ROBO1: variants seen among roughly 807,000 people sequenced by gnomAD.
The protein encoded by ROBO1 is roundabout homolog 1.
A neutral mutation model predicts 195.9 loss-of-function variants in ROBO1; 149 were observed. The ratio of observed to expected loss-of-function variants is 0.76; its 90% CI spans 0.67 to 0.87. ROBO1 has a LOEUF of 0.87. Ranked by LOEUF, ROBO1 falls within the 40% of genes least tolerant of loss-of-function variation. The probability of loss-of-function intolerance (pLI) is 0.00; values close to 1 mark genes in which losing one functional copy is unlikely to be tolerated. For missense variants in ROBO1, 1,933 were observed against 2,068.3 expected, an observed-to-expected ratio of 0.93 and a Z score of 1.27; for synonymous variants, 816 against 733.2, an observed-to-expected ratio of 1.11 and a Z score of -1.82.
intron 4 of ROBO1, among the ~76,000 whole-genome samples, chr3:78,810,442 A>G (rs2084700959): frequency 6.6e-6 from 1 of 152,176 alleles, no homozygotes; most frequent in Admixed American, 6.5e-5. Context: ...TTCTCTTAGA[A>G]ACTGATGGAG....
At chr3:79,416,051 G>A (rs2037986803) in intron 2 of ROBO1, among the ~76,000 whole-genome samples, 1 of 150,694 alleles carries the variant, frequency 6.6e-6, no homozygotes, top group African/African-American at 2.4e-5. Flanking sequence ...GATGAGTGTT[G>A]GGTCAGAAAG....
intron 28 of ROBO1, among the ~76,000 whole-genome samples, chr3:78,611,660 T>G (rs1412744638): frequency 6.6e-6 from 1 of 152,222 alleles, no homozygotes; most frequent in African/African-American, 2.4e-5. Flanking sequence ...TGCACTGTTA[T>G]GGGCTGAATT....
At chr3:79,075,550 T>C (rs1472628436) in intron 3 of ROBO1, among the ~76,000 whole-genome samples, 1 of 151,986 alleles carries the variant, frequency 6.6e-6, no homozygotes, top group Non-Finnish European at 1.5e-5. Context: ...TAAACTTGCA[T>C]CCTGTCATAG....
chr3:78,683,836 G>A (rs984714194), intron 10 of ROBO1, among the ~76,000 whole-genome samples: 5 of 151,764 alleles, frequency 3.3e-5, no homozygotes, highest in African/African-American at 1.2e-4. Flanking sequence ...AAATAATAAA[G>A]CTTCTAGAAG....
At chr3:79,466,275 T>C (rs1470470879) in intron 2 of ROBO1, among the ~76,000 whole-genome samples, 1 of 152,180 alleles carries the variant, frequency 6.6e-6, no homozygotes, top group Admixed American at 6.5e-5. Context: ...TTCAATGATA[T>C]TGTCTAAATG....
rs189996775 is a variant in ROBO1 at position 78,623,701 on chromosome 3, T to C, written c.3875+3620A>G. Among the ~76,000 whole-genome samples the C allele has an allele frequency of 1.7e-3, 258 of 152,272 alleles. 1 individual carries two copies. Among genetic ancestry groups the C allele is most frequent in the African/African-American group, 5.8e-3 (243 of 41,562 alleles). ...ACCACTTAGCAGAACATTACTGTAATGCAGGTGAGAGAAAACGGCTGTCGG... is the reference window on the plus strand; with the variant it reads ...ACCACTTAGCAGAACATTACTGTAACGCAGGTGAGAGAAAACGGCTGTCGG... On this transcript the variant is annotated intron_variant, in intron 26 of 30. Coordinates refer to ENST00000464233, the MANE Select transcript of ROBO1 (RefSeq NM_002941.4).
At chr3:78,669,614 G>A (rs577114199) in intron 11 of ROBO1, among the ~76,000 whole-genome samples, 191 of 152,298 alleles carry the variant, frequency 1.3e-3, no homozygotes, top group African/African-American at 4.3e-3. Flanking sequence ...TGAGCATTCT[G>A]ATTTGAATTG....
chr3:79,572,839 G>C (rs889719207), intron 2 of ROBO1, among the ~76,000 whole-genome samples: 4 of 151,964 alleles, frequency 2.6e-5, no homozygotes, highest in African/African-American at 7.3e-5. Flanking sequence ...GGTCCGGGAG[G>C]CCTCGTACGT....
At chr3:79,294,472 G>A (rs925895645) in intron 2 of ROBO1, among the ~76,000 whole-genome samples, 15 of 152,212 alleles carry the variant, frequency 9.9e-5, no homozygotes, top group Admixed American at 5.9e-4. Flanking sequence ...AGACTTAAAC[G>A]TAAGACCTAA....
At chr3:79,333,338 T>C (rs1188783152) in intron 2 of ROBO1, among the ~76,000 whole-genome samples, 2 of 152,184 alleles carry the variant, frequency 1.3e-5, no homozygotes, top group Non-Finnish European at 2.9e-5. Flanking sequence ...TGCGCAACCA[T>C]GTAAATCACA....
intron 2 of ROBO1, among the ~76,000 whole-genome samples, chr3:79,208,030 AT>A (rs1454607863): frequency 2.6e-5 from 4 of 152,224 alleles, no homozygotes; most frequent in Non-Finnish European, 5.9e-5. Flanking sequence ...AAAAAATTAA[AT>A]TACCTTGATG....
intron 1 of ROBO1, among the ~76,000 whole-genome samples, chr3:79,610,447 T>C (rs1482743448): frequency 1.3e-5 from 2 of 151,934 alleles, no homozygotes; most frequent in South Asian, 2.1e-4. Context: ...AAAGCAAAAA[T>C]ACTGTATTAA....
In ROBO1 at chr3:78,717,938, A is replaced by T. The variant is rs201192639; in HGVS notation, c.658-55T>A. ...TTAAAATTGCTTCAGCTATGTTTAC[A>T]TGACAGATGTCTTCATAAGTGAAGA... On this transcript the variant is annotated intron_variant, in intron 5 of 30. Coordinates refer to ENST00000464233, the MANE Select transcript of ROBO1 (RefSeq NM_002941.4). 1.7e-5 allele frequency: 27 copies of T among 1,562,490 alleles called. 1 individual carries two copies. In the South Asian group the frequency reaches 2.6e-4, roughly 15 times the overall value.
At chr3:79,672,689 A>G (rs1043903656) in intron 1 of ROBO1, among the ~76,000 whole-genome samples, 1 of 151,944 alleles carries the variant, frequency 6.6e-6, no homozygotes, top group South Asian at 2.1e-4. Context: ...TTCAACCAGT[A>G]TGCAAACCTA....
chr3:79,025,950 G>T (rs189208450), intron 3 of ROBO1, among the ~76,000 whole-genome samples: 2 of 152,204 alleles, frequency 1.3e-5, no homozygotes, highest in Admixed American at 1.3e-4. Context: ...CTTTCTACCA[G>T]AATAATCAGC....
intron 3 of ROBO1, among the ~76,000 whole-genome samples, chr3:78,943,109 G>A (rs549342608): frequency 1.3e-5 from 2 of 152,058 alleles, no homozygotes; most frequent in East Asian, 1.9e-4. Flanking sequence ...CCAGCTACTC[G>A]AGAGGCTGAG....
At chr3:78,889,819 A>G (rs981697356) in intron 4 of ROBO1, among the ~76,000 whole-genome samples, 3 of 152,160 alleles carry the variant, frequency 2.0e-5, no homozygotes, top group Non-Finnish European at 2.9e-5. Flanking sequence ...TCCAAAAGAC[A>G]CTAGACTGGA....
At chr3:79,524,669 C>T (rs1941352986) in intron 2 of ROBO1, among the ~76,000 whole-genome samples, 1 of 152,010 alleles carries the variant, frequency 6.6e-6, no homozygotes. Context: ...TAAAGTAAAC[C>T]ATATTTAAAT....
intron 8 of ROBO1, among the ~76,000 whole-genome samples, chr3:78,696,655 C>CAT (rs1488889078): frequency 6.9e-6 from 1 of 144,914 alleles, no homozygotes; most frequent in East Asian, 2.0e-4. Flanking sequence ...TATATATACA[C>CAT]ATATATATAC....
Sources: gnomAD v4.1 joint callset for allele counts (sites outside exome capture counted in the v4.1 genomes callset) on GRCh38, gnomAD v4.1.1 for gene constraint, MANE v1.5 for transcripts, NCBI Gene and HGNC (gene_info 2026-07-23, HGNC 2026-07-21) for gene names.